Variants in IQGAP3 observed in about 807,000 individuals in gnomAD.
The protein encoded by IQGAP3 is ras GTPase-activating-like protein IQGAP3.
A neutral mutation model predicts 208.2 loss-of-function variants in IQGAP3; 165 were observed. The observed-to-expected ratio is 0.79, with a 90% confidence interval of 0.70 to 0.90. The LOEUF (loss-of-function observed/expected upper bound fraction) is 0.90, where lower values mean the gene tolerates loss of function less well. IQGAP3 is among the 40% of genes least tolerant of loss of function. IQGAP3 has a pLI of 0.00. For missense variants in IQGAP3, 1,811 were observed against 2,043.1 expected, an observed-to-expected ratio of 0.89 and a Z score of 2.19; for synonymous variants, 703 against 803.6, an observed-to-expected ratio of 0.87 and a Z score of 2.12.
intron 12 of IQGAP3, 138 bp from the exon 13 acceptor site, chr1:156,554,530 A>C (rs1444735046): frequency 2.8e-6 from 2 of 703,916 alleles, no homozygotes; most frequent in East Asian, 5.9e-5. Flanking sequence ...ACTCACTAAT[A>C]ATCATCATAC....
chr1:156,569,598 AAG>A, intron 1 of IQGAP3, 135 bp from the exon 2 acceptor site: 2 of 401,732 alleles, frequency 5.0e-6, no homozygotes, highest in South Asian at 4.5e-5. Flanking sequence ...GGCTCACTGC[AAG>A]CTCCGCCTCC....
intron 10 of IQGAP3, among the ~76,000 whole-genome samples, chr1:156,561,238 G>A (rs1300148369): frequency 3.3e-5 from 5 of 151,662 alleles, no homozygotes; most frequent in African/African-American, 9.7e-5. Flanking sequence ...GCACAATCTC[G>A]GCTCACGGCA....
intron 12 of IQGAP3, 150 bp from the exon 13 acceptor site, chr1:156,554,542 A>G (rs1162307001): frequency 4.8e-6 from 3 of 627,826 alleles, no homozygotes; most frequent in Non-Finnish European, 5.3e-6. Context: ...TCATCATACA[A>G]AACACCTGAT....
At chr1:156,531,880 C>T (rs978252742) in intron 32 of IQGAP3, among the ~76,000 whole-genome samples, 9 of 151,226 alleles carry the variant, frequency 6.0e-5, no homozygotes, top group African/African-American at 2.2e-4. Context: ...GCTGAGATTA[C>T]AGACATGAGC....
At chr1:156,542,557 T>C (rs1166377826) in intron 22 of IQGAP3, among the ~76,000 whole-genome samples, 4 of 152,166 alleles carry the variant, frequency 2.6e-5, no homozygotes, top group Non-Finnish European at 5.9e-5. Context: ...TTGGATTCGA[T>C]GAAATACAGC....
chr1:156,530,290 G>A lies in IQGAP3; in HGVS notation c.4219C>T (p.Arg1407Ter), dbSNP rs776760949. The change falls in exon 34 of 38, where the codon CGA (arginine) becomes TGA (stop). Residue 1407 changes from arginine (R) to a stop codon, truncating the protein, a stop_gained. Coordinates refer to ENST00000361170, the MANE Select transcript of IQGAP3 (RefSeq NM_178229.5). LOFTEE classifies it high-confidence loss of function. ...GTCTGGGCTGTACAGGCCTGGCGTC[G>A]GCTCATCAGCTGCTTGTGGGCTGCT... The part of the protein sequence containing the change: ...QEAAHKQLMS[R>*]RQACTAQTPE... 4.3e-6 allele frequency: 7 copies of A among 1,610,160 alleles called. No homozygotes were observed. Among genetic ancestry groups the A allele is most frequent in the South Asian group, 2.2e-5 (2 of 90,772 alleles).
Position 156,526,520 on chromosome 1 carries a change from A to T in IQGAP3, c.4862T>A (p.Ile1621Asn), listed in dbSNP as rs1490874613. The T allele has an allele frequency of 1.9e-6, 3 of 1,614,152 alleles. No individual in the cohort carries two copies. The highest frequency in any genetic ancestry group is 2.5e-6 in the Non-Finnish European group (3 of 1,179,966). Residue 1621 changes from isoleucine (I) to asparagine (N), a missense_variant, in exon 38 of 38, where the codon ATC becomes AAC. Ile to Asn is a moderately radical substitution (Grantham distance 149). Coordinates refer to ENST00000361170, the MANE Select transcript of IQGAP3 (RefSeq NM_178229.5). ...NKAKVNVNLLIFLLNKKFLRK is the reference protein window; with the variant it reads ...NKAKVNVNLLNFLLNKKFLRK ...CAAAAACTTCTTGTTGAGGAGGAAGATGAGAAGGTTGACATTGACTTTGGC... is the reference window on the plus strand; with the variant it reads ...CAAAAACTTCTTGTTGAGGAGGAAGTTGAGAAGGTTGACATTGACTTTGGC...
intron 1 of IQGAP3, among the ~76,000 whole-genome samples, chr1:156,571,724 C>G (rs1328107698): frequency 6.6e-6 from 1 of 152,234 alleles, no homozygotes; most frequent in African/African-American, 2.4e-5. Context: ...AGGTCTGGAA[C>G]TAGTTTTCCT....
At chr1:156,544,352 T>G in intron 20 of IQGAP3, 37 bp downstream of exon 20, 1 of 1,581,658 alleles carries the variant, frequency 6.3e-7, no homozygotes, top group Non-Finnish European at 8.7e-7. Context: ...AGACGGTCCT[T>G]TGAGAGAAAG....
intron 25 of IQGAP3, 94 bp downstream of exon 25, chr1:156,539,280 C>G: frequency 1.6e-6 from 2 of 1,222,936 alleles, no homozygotes; most frequent in Non-Finnish European, 2.3e-6. Flanking sequence ...CATTTCTACC[C>G]TTAGGCCTCA....
At chr1:156,542,995 T>C (rs1445314713) in intron 22 of IQGAP3, among the ~76,000 whole-genome samples, 1 of 150,218 alleles carries the variant, frequency 6.7e-6, no homozygotes, top group Admixed American at 6.6e-5. Context: ...TTAAGTAACT[T>C]GCCAAGGGCC....
At chr1:156,534,235 C>A in intron 29 of IQGAP3, 94 bp from the exon 30 acceptor site, 1 of 1,576,564 alleles carries the variant, frequency 6.3e-7, no homozygotes, top group Non-Finnish European at 8.6e-7. Flanking sequence ...CCAGTGATTG[C>A]TCAGGCCAAT....
intron 37 of IQGAP3, among the ~76,000 whole-genome samples, 196 bp from the exon 38 acceptor site, chr1:156,526,795 C>T (rs1674087517): frequency 6.6e-6 from 1 of 152,110 alleles, no homozygotes; most frequent in African/African-American, 2.4e-5. Flanking sequence ...CAAATGTCAA[C>T]TCAAGCAGAA....
chr1:156,564,214 G>A (rs951807378), intron 5 of IQGAP3, among the ~76,000 whole-genome samples: 11 of 152,118 alleles, frequency 7.2e-5, no homozygotes, highest in African/African-American at 2.2e-4. Flanking sequence ...GGAACCGGTC[G>A]GTCACTTGCT....
rs1198292184 is a variant in IQGAP3, at chr1:156,563,546, T to A, written c.619+7A>T. 6.2e-7 allele frequency: 1 copy of A among 1,609,058 alleles called. No homozygotes were observed. Among genetic ancestry groups the A allele is most frequent in the South Asian group, 1.1e-5 (1 of 90,606 alleles). On this transcript the variant is annotated splice_region_variant and intron_variant, in intron 7 of 37. Transcript: ENST00000361170. ...CTACTCCTGGCAGGGCAGAGCCTAG[T>A]CCTTACCTGCAGCCTCATCCACCGA...
intron 34 of IQGAP3, among the ~76,000 whole-genome samples, 177 bp downstream of exon 34, chr1:156,529,928 A>AAAAAAAAAAAAG (rs1553221888): frequency 6.7e-6 from 1 of 150,150 alleles, no homozygotes; most frequent in African/African-American, 2.5e-5. Context: ...AAAAAAAAAA[A>AAAAAAAAAAAAG]AAAAAAGAAA....
At chr1:156,528,115 C>A (rs893201778) in intron 36 of IQGAP3, 55 bp from the exon 37 acceptor site, 3 of 1,357,538 alleles carry the variant, frequency 2.2e-6, no homozygotes, top group Non-Finnish European at 3.2e-6. Flanking sequence ...AGGGCTACAG[C>A]CACATTCTTG....
chr1:156,528,068 G>C lies in IQGAP3; in HGVS notation c.4674-8C>G, dbSNP rs777813499. ...AAGATGACGTTTCTGAAGCTGTCAG[G>C]AACAGGATTCAAAACAGGAACCCAC... On this transcript the variant is annotated splice_polypyrimidine_tract_variant and splice_region_variant and intron_variant, in intron 36 of 37. Transcript: ENST00000361170. The C allele has an allele frequency of 1.1e-4, 181 of 1,608,508 alleles. No individual in the cohort carries two copies. Among genetic ancestry groups the C allele is most frequent in the Non-Finnish European group, 1.4e-4 (165 of 1,174,996 alleles).
Position 156,538,824 on chromosome 1 carries a change from T to G in IQGAP3, c.3266A>C (p.Gln1089Pro). ...YKNWINQTEA[Q>P]TGQRSHLPYD... ...ATGTGCTCACCTGCGCTGCCCTGTCTGGGCCTCAGTCTGGTTGATCCAGTT... is the reference window on the plus strand; with the variant it reads ...ATGTGCTCACCTGCGCTGCCCTGTCGGGGCCTCAGTCTGGTTGATCCAGTT... Residue 1089 changes from glutamine to proline, a missense_variant, in exon 26 of 38, where the codon CAG becomes CCG. Gln to Pro is a moderately conservative substitution (Grantham distance 76, BLOSUM62 -1). Transcript: ENST00000361170. The G allele has an allele frequency of 6.2e-7, 1 of 1,614,126 alleles. No individual in the cohort carries two copies. The highest frequency in any genetic ancestry group is 8.5e-7 in the Non-Finnish European group (1 of 1,179,964).
Sources: allele counts gnomAD v4.1 joint callset (sites outside exome capture counted in the v4.1 genomes callset), GRCh38; gene constraint gnomAD v4.1.1; transcripts MANE v1.5; gene names NCBI Gene and HGNC (gene_info 2026-07-23, HGNC 2026-07-21).